The following AFF2 variants were observed in gnomAD, a reference collection of about 807,000 sequenced individuals.
AFF2 encodes the protein ALF transcription elongation factor 2, also known as AF4/FMR2 family member 2.
In AFF2, 14 loss-of-function variants were observed where a neutral mutation model predicts 76.9. That is an observed-to-expected ratio of 0.18 (90% confidence interval 0.12 to 0.28). The LOEUF is 0.28. AFF2 is among the 10% of genes least tolerant of loss of function. The probability of loss-of-function intolerance (pLI) is 1.00; values close to 1 mark genes in which losing one functional copy is unlikely to be tolerated. For missense variants in AFF2, 868 were observed against 1,001.1 expected (o/e 0.87, Z 1.79); for synonymous variants, 398 against 366.7 (o/e 1.09, Z -0.98).
chrX:148,787,312 CTG>C lies in AFF2; in HGVS notation c.1042-22546_1042-22545del, dbSNP rs370207937. ...TTGTGAGGAACAATCAACATTGCGG[CTG>C]TGTGTGTGTGTGTGTGTATGTGTGT... On this transcript the variant is annotated intron_variant, in intron 3 of 20. Transcript: ENST00000370460. Among the ~76,000 whole-genome samples, 684 of 107,737 alleles carry C rather than the reference CTG, an allele frequency of 6.3e-3. 2 individuals are homozygous for C. Among genetic ancestry groups the C allele is most frequent in the African/African-American group, 0.02 (603 of 29,801 alleles). The allele number at this position is 107,737 out of a possible 115,157, so 93.6% of individuals were successfully genotyped here.
intron 3 of AFF2, among the ~76,000 whole-genome samples, chrX:148,711,089 G>A (rs1557262861): frequency 8.9e-6 from 1 of 111,796 alleles, no homozygotes; most frequent in African/African-American, 3.2e-5. Flanking sequence ...AATTTGCCAA[G>A]TATAGAGTCA....
intron 3 of AFF2, among the ~76,000 whole-genome samples, chrX:148,699,329 C>T (rs192972556): frequency 8.9e-6 from 1 of 112,732 alleles, no homozygotes; most frequent in East Asian, 2.8e-4. Flanking sequence ...CACACATACA[C>T]TCAGTCTGTA....
At chrX:148,894,440 G>A (rs1557280093) in intron 8 of AFF2, among the ~76,000 whole-genome samples, 1 of 111,637 alleles carries the variant, frequency 9.0e-6, no homozygotes, top group African/African-American at 3.3e-5. Context: ...AGCATTGTAA[G>A]TGCACAGAAG....
intron 3 of AFF2, among the ~76,000 whole-genome samples, chrX:148,784,951 G>T (rs782763263): frequency 1.3e-4 from 14 of 111,504 alleles, no homozygotes; most frequent in Non-Finnish European, 2.6e-4. Context: ...CATCAGTGGG[G>T]GTCCATCTGG....
intron 1 of AFF2, chrX:148,547,442 A>G (rs2052934859): frequency 8.9e-6 from 1 of 112,215 alleles, no homozygotes; most frequent in Non-Finnish European, 1.9e-5. Flanking sequence ...TGGTTGCATG[A>G]CACAGAATGT....
intron 3 of AFF2, among the ~76,000 whole-genome samples, chrX:148,782,275 A>G (rs1338778213): frequency 8.9e-6 from 1 of 111,982 alleles, no homozygotes; most frequent in Admixed American, 9.5e-5. Context: ...AGGATATCCA[A>G]CCAATAAGTG....
At chrX:148,853,413 T>G (rs1192333362) in intron 7 of AFF2, among the ~76,000 whole-genome samples, 1 of 111,266 alleles carries the variant, frequency 9.0e-6, no homozygotes, top group Admixed American at 9.5e-5. Context: ...CTTGATGAAT[T>G]TATTTGGTGC....
At chrX:148,571,528 T>A (rs1416016825) in intron 1 of AFF2, among the ~76,000 whole-genome samples, 3 of 110,680 alleles carry the variant, frequency 2.7e-5, no homozygotes, top group Non-Finnish European at 5.7e-5. Flanking sequence ...TGTATGGGAG[T>A]GTAAAGTAAA....
chrX:148,978,659 A>T (rs1361180019), intron 18 of AFF2, among the ~76,000 whole-genome samples: 4 of 112,110 alleles, frequency 3.6e-5, no homozygotes, highest in African/African-American at 1.3e-4. Flanking sequence ...CGATGGTGCA[A>T]TCTGCTGACT....
chrX:148,614,693 T>TTTTCTTTCTTTCTTTCTTTCTTTC (rs548569376), intron 1 of AFF2, among the ~76,000 whole-genome samples: 3 of 56,122 alleles, frequency 5.3e-5, no homozygotes, highest in African/African-American at 3.2e-4. Flanking sequence ...TCCTTCTTTC[T>TTTTCTTTCTTTCTTTCTTTCTTTC]TTTCTTTCTT....
At chrX:148,969,200 T>A (rs1368928500) in intron 15 of AFF2, among the ~76,000 whole-genome samples, 1 of 113,018 alleles carries the variant, frequency 8.8e-6, no homozygotes, top group Non-Finnish European at 1.9e-5. Flanking sequence ...TTTCAAGGGA[T>A]CACATTTGGC....
intron 3 of AFF2, among the ~76,000 whole-genome samples, chrX:148,765,026 T>G (rs1309554950): frequency 1.8e-5 from 2 of 111,361 alleles, no homozygotes; most frequent in Non-Finnish European, 3.8e-5. Context: ...TCTTTGCTTT[T>G]CTTTCATTGT....
chrX:148,698,368 A>G (rs1292006788), intron 3 of AFF2, among the ~76,000 whole-genome samples: 1 of 112,440 alleles, frequency 8.9e-6, no homozygotes, highest in Non-Finnish European at 1.9e-5. Flanking sequence ...TGTGGCTTGT[A>G]ATAAAATAGC....
chrX:148,969,987 G>A (rs2072230071), intron 15 of AFF2, among the ~76,000 whole-genome samples: 1 of 111,574 alleles, frequency 9.0e-6, no homozygotes, highest in African/African-American at 3.3e-5. Context: ...GGACGAAGGG[G>A]TTTAGGCTAG....
intron 3 of AFF2, among the ~76,000 whole-genome samples, chrX:148,715,344 G>A (rs1169022631): frequency 9.0e-6 from 1 of 111,608 alleles, no homozygotes; most frequent in East Asian, 2.8e-4. Context: ...AAGCAAAGGG[G>A]AAGAAGTTCA....
intron 3 of AFF2, among the ~76,000 whole-genome samples, chrX:148,785,306 A>G (rs2069804353): frequency 8.9e-6 from 1 of 112,105 alleles, no homozygotes; most frequent in African/African-American, 3.2e-5. Flanking sequence ...CAGTATCAGG[A>G]TATTAATGCC....
chrX:148,677,356 C>A lies in AFF2; in HGVS notation c.1041+14588C>A, dbSNP rs191792357. ...ATATTTGATTAATGTTTGCACAGTG[C>A]TTCTTGTTGTAAAGCTATGTACAAA... On this transcript the variant is annotated intron_variant, in intron 3 of 20. Transcript: ENST00000370460. 3.3e-4 allele frequency among the ~76,000 whole-genome samples: 37 copies of A among 111,505 alleles called. No individual in the cohort carries two copies. In the East Asian group the frequency reaches 9.6e-3, roughly 29 times the overall value.
At chrX:148,982,196 G>A (rs1419930686) in intron 19 of AFF2, among the ~76,000 whole-genome samples, 2 of 112,094 alleles carry the variant, frequency 1.8e-5, no homozygotes, top group Non-Finnish European at 3.8e-5. Flanking sequence ...GAAGTTGCAT[G>A]AAAAGCCTCC....
At chrX:148,773,586 G>T (rs1228321917) in intron 3 of AFF2, among the ~76,000 whole-genome samples, 1 of 104,828 alleles carries the variant, frequency 9.5e-6, no homozygotes, top group East Asian at 3.0e-4. Flanking sequence ...CAAACGATGA[G>T]TATGCTATAG....
Sources: allele counts gnomAD v4.1 joint callset (sites outside exome capture counted in the v4.1 genomes callset), GRCh38; gene constraint gnomAD v4.1.1; transcripts MANE v1.5; gene names NCBI Gene and HGNC (gene_info 2026-07-23, HGNC 2026-07-21).